Variants in MAGI1 observed in about 807,000 individuals in gnomAD.
MAGI1 encodes the protein membrane-associated guanylate kinase, WW and PDZ domain-containing protein 1.
In MAGI1, 58 loss-of-function variants were observed where a neutral mutation model predicts 139.9. The observed-to-expected ratio is 0.41, with a 90% CI of 0.34 to 0.52. The LOEUF (loss-of-function observed/expected upper bound fraction) is 0.52. MAGI1 is among the 20% of genes least tolerant of loss of function. MAGI1 has a pLI of 0.12. For missense variants in MAGI1, 1,874 were observed against 1,901.6 expected (o/e 0.99, Z 0.27); for synonymous variants, 812 against 737.9 (o/e 1.10, Z -1.63).
At chr3:65,794,500 A>G (rs1366058107) in intron 1 of MAGI1, among the ~76,000 whole-genome samples, 1 of 151,722 alleles carries the variant, frequency 6.6e-6, no homozygotes. Flanking sequence ...ACCTGCATCC[A>G]CTCATTCTGC....
At chr3:65,692,830 G>C (rs1252373053) in intron 1 of MAGI1, among the ~76,000 whole-genome samples, 1 of 152,032 alleles carries the variant, frequency 6.6e-6, no homozygotes, top group Non-Finnish European at 1.5e-5. Context: ...AGCCACCTTG[G>C]GACTGCAGAC....
At chr3:65,777,682 G>C (rs892334765) in intron 1 of MAGI1, among the ~76,000 whole-genome samples, 1 of 150,200 alleles carries the variant, frequency 6.7e-6, no homozygotes, top group Admixed American at 6.6e-5. Flanking sequence ...AAAAAGAAAA[G>C]GGAAAAGAAA....
intron 20 of MAGI1, among the ~76,000 whole-genome samples, chr3:65,364,195 A>G (rs1029013299): frequency 6.8e-6 from 1 of 147,834 alleles, no homozygotes; most frequent in Non-Finnish European, 1.5e-5. Context: ...AAAAAAAAGG[A>G]ATCTGTTTAA....
chr3:65,649,900 T>C (rs2085486741), intron 1 of MAGI1, among the ~76,000 whole-genome samples: 1 of 152,212 alleles, frequency 6.6e-6, no homozygotes, highest in Non-Finnish European at 1.5e-5. Context: ...ACGCTGCCTG[T>C]GGGGATGTTA....
At chr3:65,592,102 C>G (rs1016797486) in intron 2 of MAGI1, among the ~76,000 whole-genome samples, 4 of 152,138 alleles carry the variant, frequency 2.6e-5, no homozygotes, top group Non-Finnish European at 5.9e-5. Flanking sequence ...ATCATATATA[C>G]CAGGCAGGCA....
At chr3:65,582,440 T>C (rs572888728) in intron 2 of MAGI1, among the ~76,000 whole-genome samples, 1 of 152,312 alleles carries the variant, frequency 6.6e-6, no homozygotes, top group South Asian at 2.1e-4. Context: ...CCTTCCTCAA[T>C]ATTCTCAGGA....
At chr3:65,956,229 TAACTATGGGCCAGG>T (rs2064120424) in intron 1 of MAGI1, among the ~76,000 whole-genome samples, 1 of 152,146 alleles carries the variant, frequency 6.6e-6, no homozygotes, top group Admixed American at 6.5e-5. Context: ...TGTTTGATAA[TAACTATGGGCCAGG>T]AACTAAGTGC....
chr3:65,386,411 G>T (rs1354637945), intron 14 of MAGI1, among the ~76,000 whole-genome samples: 8 of 152,140 alleles, frequency 5.3e-5, no homozygotes, highest in Admixed American at 3.9e-4. Flanking sequence ...ACACAGACAC[G>T]TTACAAAGAA....
intron 2 of MAGI1, among the ~76,000 whole-genome samples, chr3:65,522,904 A>G (rs2078225365): frequency 6.6e-6 from 1 of 152,118 alleles, no homozygotes; most frequent in South Asian, 2.1e-4. Flanking sequence ...AGACTCCCAT[A>G]TGTTTTTTTG....
chr3:65,492,546 C>G (rs535644953), intron 3 of MAGI1, among the ~76,000 whole-genome samples: 2 of 152,248 alleles, frequency 1.3e-5, no homozygotes, highest in East Asian at 3.9e-4. Context: ...TACTGAATTG[C>G]AATGACCTAT....
intron 1 of MAGI1, among the ~76,000 whole-genome samples, chr3:65,809,852 C>G (rs2041108339): frequency 6.6e-6 from 1 of 152,112 alleles, no homozygotes; most frequent in South Asian, 2.1e-4. Flanking sequence ...AGCTCACAAT[C>G]TGTCTTCAAA....
chr3:65,845,367 T>C (rs1205929547), intron 1 of MAGI1, among the ~76,000 whole-genome samples: 1 of 152,100 alleles, frequency 6.6e-6, no homozygotes, highest in Non-Finnish European at 1.5e-5. Context: ...GAACTTGCTA[T>C]CTGACCATCA....
chr3:65,409,295 G>C (rs1254289785), intron 12 of MAGI1, among the ~76,000 whole-genome samples: 2 of 152,182 alleles, frequency 1.3e-5, no homozygotes, highest in African/African-American at 4.8e-5. Context: ...TGCCAGGAGA[G>C]AAGGGAGCAC....
chr3:65,678,044 C>G (rs544920828), intron 1 of MAGI1, among the ~76,000 whole-genome samples: 1 of 152,248 alleles, frequency 6.6e-6, no homozygotes, highest in African/African-American at 2.4e-5. Context: ...AAGCTGGAAG[C>G]CATCATTTTC....
intron 1 of MAGI1, among the ~76,000 whole-genome samples, chr3:65,675,201 C>T (rs527311657): frequency 6.8e-4 from 103 of 152,164 alleles, no homozygotes; most frequent in African/African-American, 2.4e-3. Context: ...TATTCATTTA[C>T]GTGGGTGATG....
At chr3:65,620,454 G>A (rs561650162) in intron 2 of MAGI1, among the ~76,000 whole-genome samples, 4 of 152,126 alleles carry the variant, frequency 2.6e-5, no homozygotes, top group South Asian at 4.1e-4. Flanking sequence ...AAGAAGCAGG[G>A]CAATGGTGAA....
chr3:65,950,968 GA>G (rs2063813113), intron 1 of MAGI1, among the ~76,000 whole-genome samples: 3 of 4,950 alleles, frequency 6.1e-4, no homozygotes, highest in African/African-American at 1.8e-3. Flanking sequence ...GAGAAGGAAG[GA>G]AGGAAGGAAG....
At chr3:65,666,640 T>A (rs1399407800) in intron 1 of MAGI1, among the ~76,000 whole-genome samples, 1 of 152,206 alleles carries the variant, frequency 6.6e-6, no homozygotes, top group Non-Finnish European at 1.5e-5. Flanking sequence ...GACCATGCGT[T>A]TCCTTTACAA....
At chr3:65,675,988 C>T (rs1283823902) in intron 1 of MAGI1, among the ~76,000 whole-genome samples, 4 of 152,082 alleles carry the variant, frequency 2.6e-5, no homozygotes, top group African/African-American at 4.8e-5. Context: ...CTATATATGT[C>T]AATAGTTTGG....
Sources: allele counts gnomAD v4.1 joint callset (sites outside exome capture counted in the v4.1 genomes callset), GRCh38; gene constraint gnomAD v4.1.1; transcripts MANE v1.5; gene names NCBI Gene and HGNC (gene_info 2026-07-23, HGNC 2026-07-21).